Variants in ANKS1B observed in about 807,000 individuals in gnomAD.
ANKS1B encodes ankyrin repeat and sterile alpha motif domain-containing protein 1B.
Under a neutral mutation model 148.3 loss-of-function variants are expected in ANKS1B, and 36 were observed. The observed-to-expected ratio is 0.24, with a 90% CI of 0.19 to 0.32. The LOEUF (loss-of-function observed/expected upper bound fraction) is 0.32, where lower values mean the gene tolerates loss of function less well. Ranked by LOEUF, ANKS1B falls within the 10% of genes least tolerant of loss-of-function variation. The pLI, the probability that ANKS1B is intolerant of heterozygous loss-of-function variation, is 1.00. For synonymous variants in ANKS1B, 542 were observed against 560.8 expected (o/e 0.97, Z 0.47); for missense variants, 1,157 against 1,542.6 (o/e 0.75, Z 4.19).
intron 1 of ANKS1B, among the ~76,000 whole-genome samples, chr12:99,841,382 T>C (rs1346202337): frequency 6.6e-6 from 1 of 152,104 alleles, no homozygotes; most frequent in Non-Finnish European, 1.5e-5. Context: ...TATCTACTTA[T>C]GGTGTATTTT....
At chr12:99,705,375 A>AC (rs2055571158) in intron 8 of ANKS1B, among the ~76,000 whole-genome samples, 1 of 152,086 alleles carries the variant, frequency 6.6e-6, no homozygotes, top group African/African-American at 2.4e-5. Flanking sequence ...AACAGCCCTA[A>AC]GAACTTCCCA....
At position 99,300,349 on chromosome 12, in the gene ANKS1B, A is replaced by G. The variant is rs184380986; in HGVS notation, c.1757-53485T>C. Among the ~76,000 whole-genome samples, 9 of 152,268 alleles carry G rather than the reference A, an allele frequency of 5.9e-5. No individual in the cohort carries two copies. In the East Asian group the frequency reaches 1.7e-3, roughly 29 times the overall value. On this transcript the variant is annotated intron_variant, in intron 12 of 26. Transcript: ENST00000683438. ...AGGATAATTATAGATAATTACAGGTAAACTATCATCCCAATGCTACATGTG... is the reference window on the plus strand; with the variant it reads ...AGGATAATTATAGATAATTACAGGTGAACTATCATCCCAATGCTACATGTG...
intron 19 of ANKS1B, among the ~76,000 whole-genome samples, chr12:98,812,016 T>C (rs184612674): frequency 5.1e-4 from 78 of 152,346 alleles, no homozygotes; most frequent in African/African-American, 1.7e-3. Flanking sequence ...TCATATACAC[T>C]GAGAGTTCAT....
chr12:98,879,908 C>T (rs759410866), intron 17 of ANKS1B, among the ~76,000 whole-genome samples: 1 of 152,010 alleles, frequency 6.6e-6, no homozygotes, highest in African/African-American at 2.4e-5. Flanking sequence ...TAAATATTAC[C>T]CTCACCATCA....
intron 1 of ANKS1B, among the ~76,000 whole-genome samples, chr12:99,883,549 A>G (rs1047941416): frequency 8.6e-5 from 13 of 151,808 alleles, no homozygotes; most frequent in African/African-American, 2.7e-4. Flanking sequence ...GGACATCATC[A>G]AAATAAAACT....
intron 9 of ANKS1B, chr12:99,649,684 T>C (rs1361390331): frequency 9.2e-6 from 3 of 327,104 alleles, no homozygotes; most frequent in Non-Finnish European, 1.7e-5. Context: ...TGCATGCACA[T>C]TCTTGTCCTA....
At chr12:99,960,770 G>A (rs1199491306) in intron 1 of ANKS1B, among the ~76,000 whole-genome samples, 2 of 152,134 alleles carry the variant, frequency 1.3e-5, no homozygotes, top group Non-Finnish European at 2.9e-5. Context: ...TAATGGCAGA[G>A]TCTCAATAAC....
At chr12:99,866,085 T>C (rs1457702362) in intron 1 of ANKS1B, among the ~76,000 whole-genome samples, 2 of 152,198 alleles carry the variant, frequency 1.3e-5, no homozygotes, top group Non-Finnish European at 2.9e-5. Context: ...TATCTTGCTG[T>C]TCAGAAACCG....
intron 16 of ANKS1B, among the ~76,000 whole-genome samples, chr12:99,084,405 G>C (rs2050891000): frequency 6.6e-6 from 1 of 152,096 alleles, no homozygotes; most frequent in African/African-American, 2.4e-5. Flanking sequence ...AGTGTTTTCT[G>C]TATCACATTT....
At chr12:99,621,101 C>G (rs1159518896) in intron 9 of ANKS1B, among the ~76,000 whole-genome samples, 1 of 152,064 alleles carries the variant, frequency 6.6e-6, no homozygotes, top group African/African-American at 2.4e-5. Flanking sequence ...TTTCAACATT[C>G]TTAAAGAAAA....
In ANKS1B at chr12:99,018,453, A is replaced by T. The variant is rs76975997; in HGVS notation, c.2778+34704T>A. Among the ~76,000 whole-genome samples the T allele has an allele frequency of 4.9e-3, 743 of 152,348 alleles. 13 individuals carry two copies. Among genetic ancestry groups the T allele is most frequent in the African/African-American group, 0.017 (711 of 41,578 alleles). ...CATAACATTTTGATGCTGACTCCCT[A>T]AAGTCTATGTTTTGAAATATTGAAT... On this transcript the variant is annotated intron_variant, in intron 17 of 26. Coordinates refer to ENST00000683438, the MANE Select transcript of ANKS1B (RefSeq NM_001352186.2).
intron 17 of ANKS1B, among the ~76,000 whole-genome samples, chr12:98,947,090 G>A (rs960746507): frequency 6.6e-6 from 1 of 152,162 alleles, no homozygotes; most frequent in Non-Finnish European, 1.5e-5. Flanking sequence ...GAATGTGAGA[G>A]GAGAAAGGAG....
chr12:98,767,397 AG>A (rs1698247067), intron 25 of ANKS1B, among the ~76,000 whole-genome samples: 1 of 152,202 alleles, frequency 6.6e-6, no homozygotes, highest in South Asian at 2.1e-4. Flanking sequence ...AGCACAGGGA[AG>A]AGGGAGCTCC....
chr12:99,878,872 TGA>T (rs2092306590), intron 1 of ANKS1B, among the ~76,000 whole-genome samples: 2 of 152,200 alleles, frequency 1.3e-5, no homozygotes, highest in African/African-American at 4.8e-5. Context: ...CTCATCTTTC[TGA>T]GGGTACTGAT....
Position 98,745,751 on chromosome 12 carries a change from G to A in ANKS1B, c.3846C>T (p.Thr1282=), listed in dbSNP as rs938920756. Residue 1282 remains threonine (T), a synonymous_variant, in exon 27 of 27, where the codon ACC becomes ACT. Coordinates refer to ENST00000683438, the MANE Select transcript of ANKS1B (RefSeq NM_001352186.2). ...AKRGINTKYE[T]TIF ...AGGACGGCGAGTATCAGAAAATCGT[G>A]GTTTCATACTTGGTATTAATGCCCC... is the stretch of plus-strand genomic sequence containing the variant. 1 of 1,613,480 alleles carries A rather than the reference G, an allele frequency of 6.2e-7. No individual in the cohort carries two copies. The highest frequency in any genetic ancestry group is 1.3e-5 in the African/African-American group (1 of 74,996).
chr12:99,193,985 A>G lies in ANKS1B; in HGVS notation c.2420-39590T>C, dbSNP rs141156550. Among the ~76,000 whole-genome samples, 1,020 of 151,814 alleles carry G rather than the reference A, an allele frequency of 6.7e-3. 19 individuals carry two copies. Among genetic ancestry groups the G allele is most frequent in the African/African-American group, 0.023 (955 of 41,412 alleles). ...CCTAGCTAATTTTTGTATTTTTAGT[A>G]GAGATGGGGTTTCATCATGTTGGCC... is the stretch of plus-strand genomic sequence containing the variant. On this transcript the variant is annotated intron_variant, in intron 14 of 26. Transcript: ENST00000683438.
chr12:99,443,766 G>T lies in ANKS1B; in HGVS notation c.1482C>A (p.Asn494Lys). 1 of 1,611,822 alleles carries T rather than the reference G, an allele frequency of 6.2e-7. No individual in the cohort carries two copies. The highest frequency in any genetic ancestry group is 8.5e-7 in the Non-Finnish European group (1 of 1,178,638). Residue 494 changes from asparagine (N) to lysine (K), a missense_variant, in exon 11 of 27, where the codon AAC (asparagine) becomes AAA (lysine). Physicochemically the swap from Asn to Lys is moderately conservative, Grantham distance 94. Around this residue, in one of 6 missense-constraint regions of ANKS1B, gnomAD observed 661 missense variants for 642.1 expected, o/e 1.03. Transcript: ENST00000683438. ...EVAVTTPGTSNHRNSSTGPTP... is the reference protein window; with the variant it reads ...EVAVTTPGTSKHRNSSTGPTP... ...TTGGGCCTGTTGAGCTGTTTCTATG[G>T]TTACTAGTTCCTGGAGTAGTAACTG...
intron 1 of ANKS1B, among the ~76,000 whole-genome samples, chr12:99,943,819 TA>T (rs1432511437): frequency 1.3e-5 from 2 of 152,098 alleles, no homozygotes; most frequent in Non-Finnish European, 2.9e-5. Flanking sequence ...CTCTTTTTTT[TA>T]AATTATACTT....
Position 99,593,438 on chromosome 12 carries a change from AT to A in ANKS1B, c.1272+61628del, listed in dbSNP as rs1309901329. On this transcript the variant is annotated intron_variant, in intron 9 of 26. Transcript: ENST00000683438. ...AGCACAATAATATAATTTATAAAGA[AT>A]ACCTAAACTTACTTCATTAAGGAAA... Among the ~76,000 whole-genome samples the A allele has an allele frequency of 1.5e-4, 23 of 152,250 alleles. 1 individual carries two copies. Among genetic ancestry groups the A allele is most frequent in the African/African-American group, 5.5e-4 (23 of 41,554 alleles).
Sources: gnomAD v4.1 joint callset for allele counts (sites outside exome capture counted in the v4.1 genomes callset) on GRCh38, gnomAD v4.1.1 for gene constraint, gnomAD v4.1.1 regional missense constraint, MANE v1.5 for transcripts, NCBI Gene and HGNC (gene_info 2026-07-23, HGNC 2026-07-21) for gene names.